The following GALNT13 variants were observed in gnomAD, a reference collection of about 807,000 sequenced individuals.
GALNT13 encodes the protein polypeptide N-acetylgalactosaminyltransferase 13.
In GALNT13, 28 loss-of-function variants were observed where a neutral mutation model predicts 64.2. That is an observed-to-expected ratio of 0.44 (90% CI 0.32 to 0.60). GALNT13 has a LOEUF of 0.60. Ranked by LOEUF, GALNT13 falls within the 20% of genes least tolerant of loss-of-function variation. The pLI is 0.05. For missense variants in GALNT13, 577 were observed against 669.8 expected (o/e 0.86, Z 1.53); for synonymous variants, 214 against 224.6 (o/e 0.95, Z 0.42).
intron 3 of GALNT13, among the ~76,000 whole-genome samples, chr2:154,117,098 AC>A (rs1293943406): frequency 6.6e-6 from 1 of 152,108 alleles, no homozygotes; most frequent in Non-Finnish European, 1.5e-5. Flanking sequence ...TATTCTTTTC[AC>A]ATTTTTCTGC....
intron 4 of GALNT13, among the ~76,000 whole-genome samples, chr2:154,153,213 C>G (rs1291320459): frequency 1.3e-5 from 2 of 152,164 alleles, no homozygotes; most frequent in African/African-American, 4.8e-5. Context: ...CCCTCTTTGC[C>G]TGGGTAACAG....
chr2:153,408,599 T>A, the GALNT13 span, among the ~76,000 whole-genome samples: 3 of 152,304 alleles, frequency 2.0e-5, no homozygotes, highest in South Asian at 6.2e-4. Flanking sequence ...TGTGCCGATT[T>A]ACTCGCAGAG....
chr2:153,967,034 G>A (rs1265094618), intron 3 of GALNT13, among the ~76,000 whole-genome samples: 2 of 151,792 alleles, frequency 1.3e-5, no homozygotes, highest in African/African-American at 2.4e-5. Flanking sequence ...TTTTCAGTTC[G>A]TCACTTGAAT....
the GALNT13 span, among the ~76,000 whole-genome samples, chr2:153,345,631 T>TC: frequency 1.7e-3 from 239 of 144,168 alleles, 3 homozygotes; most frequent in Non-Finnish European, 2.8e-3. Context: ...TTCTTTTCCT[T>TC]TCTTTTTCTT....
At chr2:153,222,622 C>T in the GALNT13 span, among the ~76,000 whole-genome samples, 48 of 152,314 alleles carry the variant, frequency 3.2e-4, 2 homozygotes, top group Middle Eastern at 0.017. Context: ...CGAGGGACAC[C>T]TGCAGGCTCA....
the GALNT13 span, among the ~76,000 whole-genome samples, chr2:153,688,547 C>A: frequency 7.2e-5 from 11 of 151,928 alleles, no homozygotes; most frequent in Non-Finnish European, 1.2e-4. Context: ...GTATATTCTT[C>A]AGATTAAGAT....
At chr2:153,573,585 A>AT in the GALNT13 span, among the ~76,000 whole-genome samples, 1 of 151,756 alleles carries the variant, frequency 6.6e-6, no homozygotes, top group African/African-American at 2.4e-5. Context: ...CTCACGTTTT[A>AT]TTTTTTGTGT....
At chr2:153,251,800 T>C in the GALNT13 span, among the ~76,000 whole-genome samples, 1 of 152,016 alleles carries the variant, frequency 6.6e-6, no homozygotes, top group Non-Finnish European at 1.5e-5. Flanking sequence ...GGACATGAAC[T>C]CATCATTTTT....
At chr2:153,826,195 TG>T in the GALNT13 span, among the ~76,000 whole-genome samples, 8 of 152,158 alleles carry the variant, frequency 5.3e-5, no homozygotes, top group Non-Finnish European at 1.0e-4. Flanking sequence ...AGTTCCAAGG[TG>T]GTGCAGGGTA....
chr2:153,101,517 C>T, the GALNT13 span, among the ~76,000 whole-genome samples: 1 of 152,124 alleles, frequency 6.6e-6, no homozygotes, highest in Non-Finnish European at 1.5e-5. Flanking sequence ...GTATTCTTCC[C>T]CTTATTTGCC....
chr2:153,162,215 G>A, the GALNT13 span, among the ~76,000 whole-genome samples: 66 of 152,272 alleles, frequency 4.3e-4, 1 homozygote, highest in South Asian at 5.4e-3. Context: ...CATGTTCAAA[G>A]AGCCATTTCT....
At chr2:153,120,782 A>T in the GALNT13 span, among the ~76,000 whole-genome samples, 1 of 152,208 alleles carries the variant, frequency 6.6e-6, no homozygotes, top group East Asian at 1.9e-4. Context: ...CTTGTTGGTC[A>T]GAAAGTTGGG....
chr2:153,997,648 T>A (rs1166026053), intron 3 of GALNT13, among the ~76,000 whole-genome samples: 2 of 152,148 alleles, frequency 1.3e-5, no homozygotes, highest in African/African-American at 2.4e-5. Flanking sequence ...CTTTTTAAAA[T>A]TTTTTTAAAC....
intron 3 of GALNT13, among the ~76,000 whole-genome samples, chr2:153,954,458 G>A (rs905707103): frequency 1.1e-4 from 16 of 151,970 alleles, no homozygotes; most frequent in African/African-American, 2.4e-4. Context: ...AATTTTGACC[G>A]CTGATATTTG....
chr2:153,254,761 C>A, the GALNT13 span, among the ~76,000 whole-genome samples: 1 of 152,094 alleles, frequency 6.6e-6, no homozygotes, highest in Non-Finnish European at 1.5e-5. Flanking sequence ...TGTTCAGTTT[C>A]CATGTAGTTG....
chr2:154,007,876 A>G lies in GALNT13; in HGVS notation c.142+63237A>G, dbSNP rs546816181. Among the ~76,000 whole-genome samples, 194 of 152,040 alleles carry G rather than the reference A, an allele frequency of 1.3e-3. 2 individuals carry two copies. The highest frequency in any genetic ancestry group is 4.5e-3 in the African/African-American group (188 of 41,548). On this transcript the variant is annotated intron_variant, in intron 3 of 12. Coordinates refer to ENST00000392825, the MANE Select transcript of GALNT13 (RefSeq NM_052917.4). Reference sequence around the variant, plus strand: ...AGTCTTAGGTTGTCTATTACCAACTATGGCCTAATCTAGACTTGATGACAC... The same window carrying G: ...AGTCTTAGGTTGTCTATTACCAACTGTGGCCTAATCTAGACTTGATGACAC...
the GALNT13 span, among the ~76,000 whole-genome samples, chr2:153,420,333 A>G: frequency 6.6e-6 from 1 of 152,168 alleles, no homozygotes; most frequent in African/African-American, 2.4e-5. Context: ...GAATTAAAGC[A>G]TTTTCATTTT....
At chr2:154,290,844 A>G (rs1407694579) in intron 8 of GALNT13, among the ~76,000 whole-genome samples, 3 of 152,130 alleles carry the variant, frequency 2.0e-5, no homozygotes, top group South Asian at 4.2e-4. Context: ...TGGCTTCAGG[A>G]GTGAAGCTGC....
intron 3 of GALNT13, among the ~76,000 whole-genome samples, chr2:153,968,906 A>G (rs1435255119): frequency 6.6e-6 from 1 of 152,102 alleles, no homozygotes; most frequent in Non-Finnish European, 1.5e-5. Flanking sequence ...CATTTCATTT[A>G]AACACATTTG....
Sources: gnomAD v4.1 joint callset for allele counts (sites outside exome capture counted in the v4.1 genomes callset) on GRCh38, gnomAD v4.1.1 for gene constraint, MANE v1.5 for transcripts, NCBI Gene and HGNC (gene_info 2026-07-23, HGNC 2026-07-21) for gene names.